Variants in MAP2K5 observed in about 807,000 individuals in gnomAD.
MAP2K5 encodes the protein dual specificity mitogen-activated protein kinase kinase 5.
Under a neutral mutation model 83.1 loss-of-function variants are expected in MAP2K5, and 49 were observed. That is an observed-to-expected ratio of 0.59 (90% confidence interval 0.47 to 0.75). The LOEUF is 0.75. Among genes scored for constraint, MAP2K5 ranks in the 30% least tolerant of loss-of-function variants. The pLI, the probability that MAP2K5 is intolerant of heterozygous loss-of-function variation, is 0.00. For synonymous variants in MAP2K5, 202 were observed against 191.8 expected, an observed-to-expected ratio of 1.05 and a Z score of -0.44; for missense variants, 457 against 557.5, an observed-to-expected ratio of 0.82 and a Z score of 1.82.
At chr15:67,580,206 G>A (rs958623830) in intron 3 of MAP2K5, among the ~76,000 whole-genome samples, 11 of 152,220 alleles carry the variant, frequency 7.2e-5, no homozygotes, top group South Asian at 2.1e-4. Context: ...AAGCATAAAA[G>A]GTATGTTTGT....
rs1351015196 is a variant in MAP2K5, at chr15:67,708,961, C to G, written c.1044+5553C>G. Reference sequence around the variant, plus strand: ...GACATCTCTTCCAGGTTTTTGTCAACTGAATGTAGTATTTGGAGTTGGCAG... The same window carrying G: ...GACATCTCTTCCAGGTTTTTGTCAAGTGAATGTAGTATTTGGAGTTGGCAG... On this transcript the variant is annotated intron_variant, in intron 16 of 21. Coordinates refer to ENST00000178640, the MANE Select transcript of MAP2K5 (RefSeq NM_145160.3). The surrounding 1 kb of genome is among the most constrained non-coding windows in gnomAD (Gnocchi z 4.9). 6.6e-6 allele frequency among the ~76,000 whole-genome samples: 1 copy of G among 152,106 alleles called. No individual in the cohort carries two copies. Among genetic ancestry groups the G allele is most frequent in the Non-Finnish European group, 1.5e-5 (1 of 68,012 alleles).
At position 67,747,201 on chromosome 15, in the gene MAP2K5, G is replaced by A. The variant is rs563838747; in HGVS notation, c.1075-1030G>A. Among the ~76,000 whole-genome samples the A allele has an allele frequency of 3.7e-4, 56 of 152,256 alleles. No homozygotes were observed. Among genetic ancestry groups the A allele is most frequent in the African/African-American group, 1.3e-3 (55 of 41,550 alleles). On this transcript the variant is annotated intron_variant, in intron 17 of 21. Transcript: ENST00000178640. The surrounding 1 kb of genome is among the most constrained non-coding windows in gnomAD (Gnocchi z 4.1). ...CATCCCTGCCAAACTCAGGGTGGTT[G>A]TACAGATCAAATGAGTTTGTATATG...
chr15:67,707,970 A>C (rs1596829905), intron 16 of MAP2K5, among the ~76,000 whole-genome samples: 1 of 152,126 alleles, frequency 6.6e-6, no homozygotes. Flanking sequence ...AGAAAAAAAA[A>C]CTGATAAAAA....
chr15:67,587,048 T>C lies in MAP2K5; in HGVS notation c.431+135T>C. The C allele has an allele frequency of 1.2e-6, 1 of 815,898 alleles. No homozygotes were observed. Among genetic ancestry groups the C allele is most frequent in the South Asian group, 1.4e-5 (1 of 69,116 alleles). 50.5% of individuals were successfully genotyped at this position (815,898 alleles called of 1,614,324 possible). On this transcript the variant is annotated intron_variant, in intron 6 of 21. Coordinates refer to ENST00000178640, the MANE Select transcript of MAP2K5 (RefSeq NM_145160.3). This position sits in a 1 kb window ranked among gnomAD's most constrained non-coding sequence, Gnocchi z 4.8. ...TATTGACCAAAGAGAAAGGACCTCA[T>C]ATGGAAAGATGAATGTTTAGATTTA...
At chr15:67,715,238 G>C (rs3784697) in intron 16 of MAP2K5, among the ~76,000 whole-genome samples, 7 of 113,154 alleles carry the variant, frequency 6.2e-5, no homozygotes, top group East Asian at 2.7e-4. Flanking sequence ...GGGCGGGGAG[G>C]GGGGGGGTCT....
chr15:67,623,117 A>G (rs553114425), intron 8 of MAP2K5, among the ~76,000 whole-genome samples: 115 of 152,248 alleles, frequency 7.6e-4, no homozygotes, highest in African/African-American at 2.6e-3. Flanking sequence ...AAAAGAAAGC[A>G]TATTAAAGGG....
intron 8 of MAP2K5, among the ~76,000 whole-genome samples, chr15:67,605,419 T>G (rs556324907): frequency 5.3e-4 from 80 of 152,340 alleles, no homozygotes; most frequent in African/African-American, 1.9e-3. Flanking sequence ...CTTTGAGAAA[T>G]TCTGCCTTTA....
intron 13 of MAP2K5, among the ~76,000 whole-genome samples, chr15:67,675,122 TC>T (rs1225455344): frequency 2.0e-5 from 3 of 152,170 alleles, no homozygotes; most frequent in Non-Finnish European, 4.4e-5. Context: ...AATGAAGACT[TC>T]TGTTCACACA....
At chr15:67,712,485 A>G (rs146133946) in intron 16 of MAP2K5, among the ~76,000 whole-genome samples, 7 of 152,370 alleles carry the variant, frequency 4.6e-5, no homozygotes, top group Non-Finnish European at 1.0e-4. Flanking sequence ...AAAACTGTGC[A>G]GAGGGTAAAA....
rs147098845 is a variant in MAP2K5, at chr15:67,690,564, C to T, written c.848-1915C>T. Among the ~76,000 whole-genome samples, 8 of 148,538 alleles carry T rather than the reference C, an allele frequency of 5.4e-5. No individual in the cohort carries two copies. The highest frequency in any genetic ancestry group is 1.7e-4 in the African/African-American group (7 of 40,204). On this transcript the variant is annotated intron_variant, in intron 13 of 21. Transcript: ENST00000178640. The surrounding 1 kb of genome is among the most constrained non-coding windows in gnomAD (Gnocchi z 4.3). ...TTTTTTTTTTTTTTGAGACAAGTCT[C>T]GCTCTGATACCCAGGCTACAGTGCA... is the stretch of plus-strand genomic sequence containing the variant.
At chr15:67,634,228 G>T (rs1024647109) in intron 9 of MAP2K5, among the ~76,000 whole-genome samples, 26 of 151,130 alleles carry the variant, frequency 1.7e-4, no homozygotes, top group African/African-American at 6.1e-4. Flanking sequence ...AATTAGCTGG[G>T]CATGGTGGTG....
intron 19 of MAP2K5, among the ~76,000 whole-genome samples, chr15:67,756,514 A>AGTGTGTGTGTGTGTGT (rs1566953852): frequency 1.0e-5 from 1 of 97,844 alleles, no homozygotes; most frequent in African/African-American, 3.8e-5. Flanking sequence ...ACACACAGTT[A>AGTGTGTGTGTGTGTGT]CTGTGTGTGT....
rs2086612860 is a variant in MAP2K5, at chr15:67,636,826, A to G, written c.585+5899A>G. ...TGTGAAGGTGTTAATATTCAGAGAG[A>G]TTAACATTTGAGTTAATGTTAACGT... On this transcript the variant is annotated intron_variant, in intron 9 of 21. Transcript: ENST00000178640. The surrounding 1 kb of genome is among the most constrained non-coding windows in gnomAD (Gnocchi z 4.7). Among the ~76,000 whole-genome samples the G allele has an allele frequency of 6.6e-6, 1 of 152,180 alleles. No homozygotes were observed. The highest frequency in any genetic ancestry group is 1.5e-5 in the Non-Finnish European group (1 of 68,030).
intron 17 of MAP2K5, among the ~76,000 whole-genome samples, chr15:67,734,075 C>A (rs2089286246): frequency 1.3e-5 from 2 of 152,206 alleles, no homozygotes; most frequent in African/African-American, 4.8e-5. Flanking sequence ...TCTTGCTGTG[C>A]TGTGACTGCT....
chr15:67,734,275 C>A (rs2089290737), intron 17 of MAP2K5, among the ~76,000 whole-genome samples: 1 of 152,076 alleles, frequency 6.6e-6, no homozygotes, highest in African/African-American at 2.4e-5. Context: ...ATATTATTGA[C>A]CAGATTTGCC....
At chr15:67,666,879 GACTA>G (rs1390720088) in intron 13 of MAP2K5, among the ~76,000 whole-genome samples, 1 of 152,208 alleles carries the variant, frequency 6.6e-6, no homozygotes. Flanking sequence ...TCAATGGAAA[GACTA>G]ACGAATTGCA....
Position 67,755,325 on chromosome 15 carries a change from T to C in MAP2K5, c.1134+6724T>C, listed in dbSNP as rs559908363. ...TGTTATAAAGTAGGCTCTTCCCTTA[T>C]TTTTCTCCTCCCTTTCCCAGTCCTC... On this transcript the variant is annotated intron_variant, in intron 19 of 21. Transcript: ENST00000178640. This position sits in a 1 kb window ranked among gnomAD's most constrained non-coding sequence, Gnocchi z 4.7. Among the ~76,000 whole-genome samples the C allele has an allele frequency of 5.3e-5, 8 of 152,140 alleles. No homozygotes were observed. Among genetic ancestry groups the C allele is most frequent in the Non-Finnish European group, 1.2e-4 (8 of 68,008 alleles).
chr15:67,562,700 C>T lies in MAP2K5; in HGVS notation c.185-583C>T, dbSNP rs375871149. On this transcript the variant is annotated intron_variant, in intron 2 of 21. Coordinates refer to ENST00000178640, the MANE Select transcript of MAP2K5 (RefSeq NM_145160.3). The surrounding 1 kb of genome is among the most constrained non-coding windows in gnomAD (Gnocchi z 4.1). ...GTATTAGAGCTGCTTTACAAGTTAA[C>T]CTTGCACTAGGCCTAGGTTCTCCTG... Among the ~76,000 whole-genome samples, 2 of 152,144 alleles carry T rather than the reference C, an allele frequency of 1.3e-5. No homozygotes were observed. Among genetic ancestry groups the T allele is most frequent in the African/African-American group, 2.4e-5 (1 of 41,426 alleles).
intron 17 of MAP2K5, among the ~76,000 whole-genome samples, chr15:67,737,529 GC>G (rs2141258860): frequency 6.6e-6 from 1 of 152,096 alleles, no homozygotes; most frequent in South Asian, 2.1e-4. Context: ...CCTCTTCAGT[GC>G]CAATAAAACA....
Sources: allele counts gnomAD v4.1 joint callset (sites outside exome capture counted in the v4.1 genomes callset), GRCh38; gene constraint gnomAD v4.1.1; non-coding constraint Gnocchi (gnomAD v3.1); transcripts MANE v1.5; gene names NCBI Gene and HGNC (gene_info 2026-07-23, HGNC 2026-07-21).